CYSTM1: variants seen among roughly 807,000 people sequenced by gnomAD.
The protein encoded by CYSTM1 is cysteine rich transmembrane module containing 1.
CYSTM1 carries 4 observed loss-of-function variants against 13.1 expected under a neutral mutation model. That is an observed-to-expected ratio of 0.31 (90% confidence interval 0.15 to 0.70). The LOEUF is 0.70. CYSTM1 is among the 30% of genes least tolerant of loss of function. The probability of loss-of-function intolerance (pLI) is 0.72; values close to 1 mark genes in which losing one functional copy is unlikely to be tolerated. For synonymous variants in CYSTM1, 36 were observed against 42.7 expected (o/e 0.84, Z 0.62); for missense variants, 96 against 121.6 (o/e 0.79, Z 0.99).
intron 2 of CYSTM1, among the ~76,000 whole-genome samples, 169 bp downstream of exon 2, chr5:140,194,821 A>G (rs1764136324): frequency 6.6e-6 from 1 of 152,254 alleles, no homozygotes; most frequent in Non-Finnish European, 1.5e-5. Context: ...AAGAGGCCCA[A>G]GTCAGCTCTG....
intron 2 of CYSTM1, among the ~76,000 whole-genome samples, chr5:140,197,839 A>G (rs1368915298): frequency 6.6e-6 from 1 of 152,208 alleles, no homozygotes; most frequent in Non-Finnish European, 1.5e-5. Flanking sequence ...CTTTATCCTT[A>G]ATTGGCGTCT....
intron 1 of CYSTM1, among the ~76,000 whole-genome samples, chr5:140,191,650 G>A (rs1764097192): frequency 6.6e-6 from 1 of 152,192 alleles, no homozygotes; most frequent in South Asian, 2.1e-4. Context: ...AGAAATACAG[G>A]TCCAGACTTT....
intron 2 of CYSTM1, chr5:140,203,023 A>T (rs1764251225): frequency 6.6e-6 from 1 of 152,210 alleles, no homozygotes; most frequent in African/African-American, 2.4e-5. Context: ...GACATGATTG[A>T]AACAGCGTAG....
chr5:140,228,094 A>T (rs1764580997), intron 2 of CYSTM1, among the ~76,000 whole-genome samples: 1 of 152,302 alleles, frequency 6.6e-6, no homozygotes, highest in East Asian at 1.9e-4. Flanking sequence ...GACTCACCTG[A>T]TAGACATTAA....
chr5:140,217,887 A>C (rs1285142037), intron 2 of CYSTM1, among the ~76,000 whole-genome samples: 2 of 152,208 alleles, frequency 1.3e-5, no homozygotes, highest in African/African-American at 2.4e-5. Context: ...GTGAGCATAC[A>C]GTGATAAGTG....
intron 2 of CYSTM1, among the ~76,000 whole-genome samples, chr5:140,237,987 C>T (rs570891052): frequency 2.0e-5 from 3 of 152,184 alleles, no homozygotes; most frequent in South Asian, 2.1e-4. Context: ...TCCATGTAAA[C>T]GCCCGCACCT....
intron 1 of CYSTM1, among the ~76,000 whole-genome samples, chr5:140,192,980 T>A (rs1260840439): frequency 6.6e-6 from 1 of 152,206 alleles, no homozygotes; most frequent in Non-Finnish European, 1.5e-5. Flanking sequence ...ACTGCTACTG[T>A]AATCCAGATT....
intron 1 of CYSTM1, among the ~76,000 whole-genome samples, chr5:140,186,878 C>A (rs1395344385): frequency 1.3e-5 from 2 of 152,118 alleles, no homozygotes; most frequent in Non-Finnish European, 2.9e-5. Context: ...GTAATCCCAG[C>A]ACTTTGGGAG....
rs534348532 is a variant in CYSTM1 at position 140,209,256 on chromosome 5, C to T, written c.187+14604C>T. Among the ~76,000 whole-genome samples, 4 of 147,678 alleles carry T rather than the reference C, an allele frequency of 2.7e-5. No homozygotes were observed. The East Asian group carries it at 6.1e-4, about 22-fold the overall frequency. ...GATTTTGTAGAAAAGACTGCTCGTACTTTCTTTCTTTTCTTTTTTTTTTTT... is the reference window on the plus strand; with the variant it reads ...GATTTTGTAGAAAAGACTGCTCGTATTTTCTTTCTTTTCTTTTTTTTTTTT... On this transcript the variant is annotated intron_variant, in intron 2 of 2. Transcript: ENST00000261811.
At chr5:140,214,399 A>G (rs1764404872) in intron 2 of CYSTM1, among the ~76,000 whole-genome samples, 1 of 152,218 alleles carries the variant, frequency 6.6e-6, no homozygotes, top group Non-Finnish European at 1.5e-5. Flanking sequence ...TAATGGAGTG[A>G]GGAAAGACAA....
At chr5:140,222,628 A>G (rs745668014) in intron 2 of CYSTM1, among the ~76,000 whole-genome samples, 8 of 152,256 alleles carry the variant, frequency 5.3e-5, no homozygotes, top group Admixed American at 2.6e-4. Flanking sequence ...GTAAGGACCT[A>G]GACTGTGGGC....
intron 2 of CYSTM1, among the ~76,000 whole-genome samples, chr5:140,235,483 G>A (rs1764669918): frequency 6.7e-6 from 1 of 149,400 alleles, no homozygotes; most frequent in African/African-American, 2.5e-5. Flanking sequence ...TTGGCTCACT[G>A]CAAGCTCTGC....
At chr5:140,194,768 C>T (rs182711842) in intron 2 of CYSTM1, 116 bp downstream of exon 2, 111 of 1,306,394 alleles carry the variant, frequency 8.5e-5, no homozygotes, top group Middle Eastern at 6.6e-4. Context: ...GCTTGATGTC[C>T]CCAAAGCTTG....
intron 2 of CYSTM1, among the ~76,000 whole-genome samples, chr5:140,232,598 C>T (rs1483116360): frequency 6.6e-6 from 1 of 152,198 alleles, no homozygotes; most frequent in Non-Finnish European, 1.5e-5. Context: ...ACACTGTTTT[C>T]ACTGAGGAGG....
At chr5:140,201,202 G>C (rs1226427554) in intron 2 of CYSTM1, 1 of 152,202 alleles carries the variant, frequency 6.6e-6, no homozygotes, top group African/African-American at 2.4e-5. Flanking sequence ...AATACAGGGT[G>C]AGAGGAATTG....
intron 1 of CYSTM1, among the ~76,000 whole-genome samples, chr5:140,193,411 G>A (rs1157197515): frequency 2.6e-5 from 4 of 152,198 alleles, no homozygotes; most frequent in Non-Finnish European, 4.4e-5. Flanking sequence ...AGCCTCCTGA[G>A]TAGCGGGACT....
chr5:140,204,940 AT>A (rs1764280083), intron 2 of CYSTM1, among the ~76,000 whole-genome samples: 1 of 152,036 alleles, frequency 6.6e-6, no homozygotes, highest in Admixed American at 6.5e-5. Context: ...ATAAGTCCAG[AT>A]ATTGGGGTTT....
chr5:140,208,227 TGTG>T (rs1377095487), intron 2 of CYSTM1, among the ~76,000 whole-genome samples: 1 of 152,188 alleles, frequency 6.6e-6, no homozygotes, highest in East Asian at 1.9e-4. Flanking sequence ...TTTAAAAAAA[TGTG>T]GTATTTATTC....
At chr5:140,180,323 TC>T (rs1763948694) in intron 1 of CYSTM1, among the ~76,000 whole-genome samples, 1 of 152,188 alleles carries the variant, frequency 6.6e-6, no homozygotes, top group South Asian at 2.1e-4. Flanking sequence ...CTTTTAGACT[TC>T]TGACATTTGT....
Sources: gnomAD v4.1 joint callset for allele counts (sites outside exome capture counted in the v4.1 genomes callset) on GRCh38, gnomAD v4.1.1 for gene constraint, MANE v1.5 for transcripts, NCBI Gene and HGNC (gene_info 2026-07-23, HGNC 2026-07-21) for gene names.